The following DAGLB variants were observed in gnomAD, a reference collection of about 807,000 sequenced individuals.
DAGLB encodes diacylglycerol lipase-beta.
DAGLB carries 66 observed loss-of-function variants against 72.1 expected under a neutral mutation model. That is an observed-to-expected ratio of 0.92 (90% CI 0.75 to 1.12). The LOEUF (loss-of-function observed/expected upper bound fraction) is 1.12, where lower values mean the gene tolerates loss of function less well. Ranked by LOEUF, DAGLB falls within the 50% of genes most tolerant of loss-of-function variation. The pLI is 0.00. For synonymous variants in DAGLB, 414 were observed against 359.5 expected (o/e 1.15, Z -1.71); for missense variants, 1,065 against 884.9 (o/e 1.20, Z -2.58).
intron 13 of DAGLB, 149 bp downstream of exon 13, chr7:6,412,662 G>T: frequency 3.4e-6 from 3 of 881,256 alleles, no homozygotes; most frequent in Non-Finnish European, 5.4e-6. Flanking sequence ...CAGAGTCCTA[G>T]CCCAGAATCT....
In DAGLB at chr7:6,428,560, C is replaced by T. The variant is rs147622274; in HGVS notation, c.929+1920G>A. 8.9e-3 allele frequency among the ~76,000 whole-genome samples: 1,347 copies of T among 151,404 alleles called. 24 individuals are homozygous for T. Among genetic ancestry groups the T allele is most frequent in the African/African-American group, 0.031 (1,292 of 41,300 alleles). On this transcript the variant is annotated intron_variant, in intron 6 of 14. Transcript: ENST00000297056. ...GCAGGGCAATGGTGTGATCTCCACT[C>T]ACTGCAACCTCCAACTCCCTGGTTC...
chr7:6,430,250 CATAT>C (rs57374634), intron 6 of DAGLB, among the ~76,000 whole-genome samples: 4,480 of 45,674 alleles, frequency 0.098, 364 homozygotes, highest in African/African-American at 0.2. Context: ...AATACATGTG[CATAT>C]ATATATATAT....
intron 11 of DAGLB, 95 bp downstream of exon 11, chr7:6,416,532 G>T: frequency 6.7e-7 from 1 of 1,500,630 alleles, no homozygotes; most frequent in Non-Finnish European, 8.9e-7. Flanking sequence ...GACAGAGCAA[G>T]ACTTCATCTC....
intron 6 of DAGLB, among the ~76,000 whole-genome samples, chr7:6,429,316 C>T (rs985713342): frequency 6.6e-6 from 1 of 151,930 alleles, no homozygotes; most frequent in Admixed American, 6.6e-5. Context: ...ATTGAAGGCC[C>T]TTCTACAAAA....
At chr7:6,412,599 C>G in intron 13 of DAGLB, 1 of 608,356 alleles carries the variant, frequency 1.6e-6, no homozygotes, top group Non-Finnish European at 2.9e-6. Context: ...ATCCTGTTTC[C>G]TCCCTGTGAC....
At chr7:6,412,237 A>G (rs1195270481) in intron 13 of DAGLB, among the ~76,000 whole-genome samples, 2 of 152,128 alleles carry the variant, frequency 1.3e-5, no homozygotes, top group Non-Finnish European at 2.9e-5. Context: ...TTCTACCACC[A>G]TGTTAAAAAA....
At chr7:6,432,183 T>G (rs1263943635) in intron 5 of DAGLB, among the ~76,000 whole-genome samples, 2 of 151,914 alleles carry the variant, frequency 1.3e-5, no homozygotes, top group Non-Finnish European at 2.9e-5. Context: ...AAACCCCATC[T>G]CTACTAAAAA....
chr7:6,428,830 C>T (rs756927396), intron 6 of DAGLB, among the ~76,000 whole-genome samples: 1 of 151,886 alleles, frequency 6.6e-6, no homozygotes, highest in Admixed American at 6.6e-5. Flanking sequence ...TTTAAGACAG[C>T]GTCTTGCTCT....
In DAGLB at chr7:6,445,914, T is replaced by TA. The variant is rs373434149; in HGVS notation, c.247+38dup. On this transcript the variant is annotated intron_variant, in intron 2 of 14. Transcript: ENST00000297056. Reference sequence around the variant, plus strand: ...TGTGAATTATATCTCAATAAAGCTATAAAAAAATAGGTATCAAATAGAAAA... The same window carrying TA: ...TGTGAATTATATCTCAATAAAGCTATAAAAAAAATAGGTATCAAATAGAAAA... The TA allele has an allele frequency of 3.2e-6, 5 of 1,548,334 alleles. No homozygotes were observed. In the East Asian group the frequency reaches 6.8e-5, roughly 21 times the overall value.
rs115450615 is a variant in DAGLB at position 6,426,765 on chromosome 7, T to G, written c.930-651A>C. 7.9e-3 allele frequency among the ~76,000 whole-genome samples: 1,196 copies of G among 152,128 alleles called. 13 individuals carry two copies. The highest frequency in any genetic ancestry group is 0.028 in the African/African-American group (1,145 of 41,498). On this transcript the variant is annotated intron_variant, in intron 6 of 14. Transcript: ENST00000297056. ...ACAGCACAGCCAACTCCGTAGAAAA[T>G]AAACAAGAAATCATAGAAGTAACTT...
chr7:6,414,898 G>A (rs1007443007), intron 11 of DAGLB, among the ~76,000 whole-genome samples: 1 of 152,096 alleles, frequency 6.6e-6, no homozygotes, highest in Non-Finnish European at 1.5e-5. Context: ...GCCAGGCACA[G>A]TGCTCAACAC....
At chr7:6,441,774 AC>A (rs1185373688) in intron 2 of DAGLB, among the ~76,000 whole-genome samples, 1 of 152,132 alleles carries the variant, frequency 6.6e-6, no homozygotes, top group African/African-American at 2.4e-5. Flanking sequence ...TGACAATTAA[AC>A]GAACATGTTT....
At chr7:6,429,824 C>A (rs985975430) in intron 6 of DAGLB, among the ~76,000 whole-genome samples, 3 of 152,008 alleles carry the variant, frequency 2.0e-5, no homozygotes, top group Admixed American at 6.6e-5. Flanking sequence ...GCAGACGGAT[C>A]ACGAGGTCAG....
At position 6,445,945 on chromosome 7, in the gene DAGLB, C is replaced by G; in HGVS notation, c.247+8G>C. 26 of 1,579,792 alleles carry G rather than the reference C, an allele frequency of 1.6e-5. No homozygotes were observed. The highest frequency in any genetic ancestry group is 2.2e-5 in the Non-Finnish European group (26 of 1,165,986). ...AATAGGTATCAAATAGAAAAGGCTA[C>G]TTTTTACCTCTCATGCTGACACACA... On this transcript the variant is annotated splice_region_variant and intron_variant, in intron 2 of 14. Transcript: ENST00000297056.
chr7:6,416,469 G>C, intron 11 of DAGLB, 158 bp downstream of exon 11: 1 of 1,064,854 alleles, frequency 9.4e-7, no homozygotes, highest in Non-Finnish European at 1.3e-6. Flanking sequence ...CCTGAACCTG[G>C]GAGGTGGAGC....
At chr7:6,415,393 T>A (rs764443853) in intron 11 of DAGLB, among the ~76,000 whole-genome samples, 8 of 151,874 alleles carry the variant, frequency 5.3e-5, no homozygotes, top group Non-Finnish European at 1.0e-4. Flanking sequence ...GTACATACTT[T>A]TTAATCATCC....
At chr7:6,428,722 G>A (rs1271162322) in intron 6 of DAGLB, among the ~76,000 whole-genome samples, 1 of 152,156 alleles carries the variant, frequency 6.6e-6, no homozygotes, top group Non-Finnish European at 1.5e-5. Context: ...CCTGACCTCA[G>A]GTGATCAGCC....
chr7:6,415,686 A>G (rs1417259530), intron 11 of DAGLB, among the ~76,000 whole-genome samples: 1 of 151,642 alleles, frequency 6.6e-6, no homozygotes, highest in Admixed American at 6.6e-5. Context: ...TACTAAAAAA[A>G]TACAAAAAAT....
intron 2 of DAGLB, among the ~76,000 whole-genome samples, chr7:6,443,544 A>G (rs2115299668): frequency 6.6e-6 from 1 of 152,330 alleles, no homozygotes; most frequent in South Asian, 2.1e-4. Flanking sequence ...TGGTCATCCC[A>G]AACCCTAAGG....
Sources: allele counts gnomAD v4.1 joint callset (sites outside exome capture counted in the v4.1 genomes callset), GRCh38; gene constraint gnomAD v4.1.1; transcripts MANE v1.5; gene names NCBI Gene and HGNC (gene_info 2026-07-23, HGNC 2026-07-21).